TESPA1: variants seen among roughly 807,000 people sequenced by gnomAD.
TESPA1 encodes protein TESPA1.
TESPA1 carries 33 observed loss-of-function variants against 57.9 expected under a neutral mutation model. The ratio of observed to expected loss-of-function variants is 0.57; its 90% confidence interval spans 0.43 to 0.76. The LOEUF is 0.76. Ranked by LOEUF, TESPA1 falls within the 30% of genes least tolerant of loss-of-function variation. The pLI is 0.00. For synonymous variants in TESPA1, 227 were observed against 228.9 expected (o/e 0.99, Z 0.07); for missense variants, 618 against 632.9 (o/e 0.98, Z 0.25).
At chr12:54,964,462 A>G (rs1367524205) in intron 7 of TESPA1, among the ~76,000 whole-genome samples, 2 of 152,246 alleles carry the variant, frequency 1.3e-5, no homozygotes, top group African/African-American at 4.8e-5. Context: ...TTTGAGAGGT[A>G]TGCTCCTTTC....
At chr12:54,978,421 T>C (rs1487697969) in intron 1 of TESPA1, among the ~76,000 whole-genome samples, 2 of 152,238 alleles carry the variant, frequency 1.3e-5, no homozygotes, top group African/African-American at 4.8e-5. Context: ...TGTTTATTAA[T>C]TTATTTAGGT....
chr12:54,964,316 TC>T (rs1482638366), intron 7 of TESPA1, among the ~76,000 whole-genome samples: 3 of 152,208 alleles, frequency 2.0e-5, no homozygotes, highest in Non-Finnish European at 4.4e-5. Flanking sequence ...AAATTTGCCA[TC>T]CGACTTGCCC....
At chr12:54,950,421 T>G in intron 10 of TESPA1, 31 bp from the exon 11 acceptor site, 1 of 437,468 alleles carries the variant, frequency 2.3e-6, no homozygotes, top group Non-Finnish European at 4.6e-6. Flanking sequence ...ATACATATCA[T>G]GCATTTTTTA....
intron 7 of TESPA1, among the ~76,000 whole-genome samples, 159 bp from the exon 8 acceptor site, chr12:54,964,109 A>T (rs963982007): frequency 2.6e-5 from 4 of 152,232 alleles, no homozygotes; most frequent in Non-Finnish European, 5.9e-5. Flanking sequence ...ACTTCTCTGA[A>T]CCTAAATTAT....
At chr12:54,977,124 C>T (rs555013298) in intron 1 of TESPA1, among the ~76,000 whole-genome samples, 9 of 152,102 alleles carry the variant, frequency 5.9e-5, no homozygotes, top group South Asian at 4.2e-4. Flanking sequence ...TTTATTTACC[C>T]AATTTATTGT....
rs146652938 is a variant in TESPA1 at position 54,973,579 on chromosome 12, C to A, written c.164-60G>T. On this transcript the variant is annotated intron_variant, in intron 2 of 10. Transcript: ENST00000449076. ...TGAACGAAATCAGACCTCCTCCCTGCAACTAATTCCATTCCACAAGTTTAT... is the reference window on the plus strand; with the variant it reads ...TGAACGAAATCAGACCTCCTCCCTGAAACTAATTCCATTCCACAAGTTTAT... The A allele has an allele frequency of 3.7e-6, 6 of 1,612,726 alleles. No homozygotes were observed. The African/African-American group carries it at 8.0e-5, about 21-fold the overall frequency.
At chr12:54,960,196 C>T (rs575508822) in intron 10 of TESPA1, among the ~76,000 whole-genome samples, 53 of 152,238 alleles carry the variant, frequency 3.5e-4, no homozygotes, top group African/African-American at 1.3e-3. Context: ...ATACCATTAT[C>T]CCTTATGCCA....
At chr12:54,976,951 C>T (rs1952160275) in intron 1 of TESPA1, among the ~76,000 whole-genome samples, 1 of 151,924 alleles carries the variant, frequency 6.6e-6, no homozygotes, top group Admixed American at 6.6e-5. Flanking sequence ...CTTCATCTTC[C>T]TCAGTCTTTG....
chr12:54,949,379 G>GTTT lies in TESPA1; in HGVS notation c.*1010_*1012dup, dbSNP rs10580548. The GTTT allele has an allele frequency of 4.9e-5, 7 of 141,656 alleles. No homozygotes were observed. Among genetic ancestry groups the GTTT allele is most frequent in the South Asian group, 2.2e-4 (1 of 4,570 alleles). The allele number at this position is 141,656 out of a possible 1,614,324, so 8.8% of individuals were successfully genotyped here. A position where few individuals can be genotyped will look rare whatever the true frequency, so the allele number is the denominator to read the frequency against. On this transcript the variant is annotated 3_prime_UTR_variant, in exon 11 of 11. Coordinates refer to ENST00000449076, the MANE Select transcript of TESPA1 (RefSeq NM_001136030.3). ...AATTCCCTCAAGTCCCTCTCTTCCTGTTTTTTTTTTTTTTTTCTTTTGTCT... is the reference window on the plus strand; with the variant it reads ...AATTCCCTCAAGTCCCTCTCTTCCTGTTTTTTTTTTTTTTTTTTTCTTTTGTCT...
Position 54,949,751 on chromosome 12 carries a change from T to C in TESPA1, c.*641A>G, listed in dbSNP as rs1950271312. On this transcript the variant is annotated 3_prime_UTR_variant, in exon 11 of 11. Transcript: ENST00000449076. ...TCTTTTTCTATAAAGATGCAAAATT[T>C]TGGGTAGAGAAAGAAACTGGATTTA... 6.6e-6 allele frequency: 1 copy of C among 152,504 alleles called. No individual in the cohort carries two copies. The highest frequency in any genetic ancestry group is 1.5e-5 in the Non-Finnish European group (1 of 68,046). 9.4% of individuals were successfully genotyped at this position (152,504 alleles called of 1,614,324 possible). A position where few individuals can be genotyped will look rare whatever the true frequency, so the allele number is the denominator to read the frequency against.
intron 1 of TESPA1, among the ~76,000 whole-genome samples, chr12:54,983,791 C>T (rs117423788): frequency 0.011 from 1,701 of 152,266 alleles, 21 homozygotes; most frequent in Non-Finnish European, 0.019. Flanking sequence ...CTCCATCTAC[C>T]CCAAAACTCA....
Position 54,962,924 on chromosome 12 carries a change from T to TA in TESPA1, c.973_974insT (p.Glu325ValfsTer11). The TA allele has an allele frequency of 1.2e-6, 2 of 1,613,774 alleles. No homozygotes were observed. The highest frequency in any genetic ancestry group is 1.7e-6 in the Non-Finnish European group (2 of 1,179,838). On this transcript the variant is annotated frameshift_variant, in exon 9 of 11. Transcript: ENST00000449076. LOFTEE classifies it high-confidence loss of function. ...GTCTTGCTGGAGGAACTGCTTCTCT[T>TA]CTTTCACTTTGTCCATCACTTCCAA...
chr12:54,961,968 G>A (rs1287561989), intron 9 of TESPA1, among the ~76,000 whole-genome samples: 1 of 152,218 alleles, frequency 6.6e-6, no homozygotes, highest in Non-Finnish European at 1.5e-5. Flanking sequence ...GAGCTGGGGA[G>A]TGGTTCTGCT....
At chr12:54,980,982 G>T (rs1362731931) in intron 1 of TESPA1, among the ~76,000 whole-genome samples, 1 of 150,716 alleles carries the variant, frequency 6.6e-6, no homozygotes, top group Non-Finnish European at 1.5e-5. Context: ...CTTTTGTCTT[G>T]CTGTGTTACT....
At chr12:54,960,773 C>A (rs1263112533) in intron 10 of TESPA1, among the ~76,000 whole-genome samples, 1 of 152,206 alleles carries the variant, frequency 6.6e-6, no homozygotes, top group Non-Finnish European at 1.5e-5. Context: ...TAAAGTTCTA[C>A]ACAATGTCTC....
chr12:54,966,539 G>C, intron 5 of TESPA1, 115 bp from the exon 6 acceptor site: 1 of 1,225,446 alleles, frequency 8.2e-7, no homozygotes, highest in Admixed American at 2.3e-5. Context: ...GACTATGACA[G>C]GCTAGCTGGA....
At chr12:54,970,236 C>T (rs1205152522) in intron 3 of TESPA1, among the ~76,000 whole-genome samples, 1 of 152,138 alleles carries the variant, frequency 6.6e-6, no homozygotes, top group East Asian at 1.9e-4. Flanking sequence ...TGTGCCTAGC[C>T]TCAGCTACAT....
intron 1 of TESPA1, among the ~76,000 whole-genome samples, chr12:54,975,015 T>G (rs1323249805): frequency 1.3e-5 from 2 of 152,172 alleles, no homozygotes; most frequent in African/African-American, 4.8e-5. Context: ...CTTATAAAAT[T>G]CACTTCATTT....
At chr12:54,968,096 T>G (rs933527273) in intron 3 of TESPA1, 5 of 1,304,844 alleles carry the variant, frequency 3.8e-6, no homozygotes, top group Non-Finnish European at 5.2e-6. Context: ...GGGGCTGGAA[T>G]GCACTATATT....
Sources: gnomAD v4.1 joint callset for allele counts (sites outside exome capture counted in the v4.1 genomes callset) on GRCh38, gnomAD v4.1.1 for gene constraint, MANE v1.5 for transcripts, NCBI Gene and HGNC (gene_info 2026-07-23, HGNC 2026-07-21) for gene names.